The following FMN1 variants were observed in gnomAD, a reference collection of about 807,000 sequenced individuals.
FMN1 encodes formin 1, also known as formin-1.
FMN1 carries 110 observed loss-of-function variants against 132.4 expected under a neutral mutation model. The ratio of observed to expected loss-of-function variants is 0.83; its 90% CI spans 0.71 to 0.97. The LOEUF is 0.97. Among genes scored for constraint, FMN1 ranks in the 50% least tolerant of loss-of-function variants. The probability of loss-of-function intolerance (pLI) is 0.00; values close to 1 mark genes in which losing one functional copy is unlikely to be tolerated. For missense variants in FMN1, 1,792 were observed against 1,705.3 expected (o/e 1.05, Z -0.90); for synonymous variants, 722 against 651.7 (o/e 1.11, Z -1.64).
intron 19 of FMN1, among the ~76,000 whole-genome samples, chr15:32,782,249 C>G (rs2056689177): frequency 6.6e-6 from 1 of 152,188 alleles, no homozygotes; most frequent in South Asian, 2.1e-4. Flanking sequence ...TTACCCAGCA[C>G]TGTACCATGC....
intron 4 of FMN1, among the ~76,000 whole-genome samples, chr15:33,104,355 T>A (rs1400995164): frequency 1.3e-5 from 2 of 152,192 alleles, no homozygotes; most frequent in Non-Finnish European, 2.9e-5. Context: ...TGCCAAATTT[T>A]CACGATTTAC....
intron 4 of FMN1, among the ~76,000 whole-genome samples, chr15:33,092,723 G>A (rs2038947187): frequency 6.6e-6 from 1 of 152,114 alleles, no homozygotes; most frequent in African/African-American, 2.4e-5. Flanking sequence ...TGAGATTTGA[G>A]GCCTATTTGT....
chr15:32,951,826 G>A (rs1376019610), intron 9 of FMN1, among the ~76,000 whole-genome samples: 1 of 152,186 alleles, frequency 6.6e-6, no homozygotes, highest in Non-Finnish European at 1.5e-5. Flanking sequence ...ACTCAGCCAG[G>A]CCTGTGGGGT....
At chr15:33,004,157 C>T (rs2034276475) in intron 7 of FMN1, among the ~76,000 whole-genome samples, 1 of 152,116 alleles carries the variant, frequency 6.6e-6, no homozygotes, top group African/African-American at 2.4e-5. Context: ...GTCTAAAACA[C>T]CAAAAGCAAT....
intron 17 of FMN1, among the ~76,000 whole-genome samples, chr15:32,842,026 C>A (rs1302728131): frequency 8.5e-5 from 13 of 152,186 alleles, no homozygotes; most frequent in Non-Finnish European, 1.9e-4. Context: ...TCCTTCCCTG[C>A]ATGTTTGTGC....
At chr15:33,056,202 C>T (rs188173663) in intron 6 of FMN1, among the ~76,000 whole-genome samples, 26 of 152,324 alleles carry the variant, frequency 1.7e-4, no homozygotes, top group Non-Finnish European at 3.1e-4. Context: ...TCCAGGTATA[C>T]ACCCAAAAGA....
At chr15:32,889,073 T>C (rs1341448154) in intron 15 of FMN1, among the ~76,000 whole-genome samples, 1 of 152,160 alleles carries the variant, frequency 6.6e-6, no homozygotes, top group African/African-American at 2.4e-5. Flanking sequence ...TAGGCTGGTC[T>C]CTAACTCCTG....
intron 7 of FMN1, among the ~76,000 whole-genome samples, chr15:32,994,873 G>A (rs2033670489): frequency 6.6e-6 from 1 of 152,116 alleles, no homozygotes; most frequent in African/African-American, 2.4e-5. Context: ...TATGAGTATG[G>A]ACTTATGTGC....
In FMN1 at chr15:32,969,202, C is replaced by G. The variant is rs770418686; in HGVS notation, c.2499G>C (p.Leu833=). The G allele has an allele frequency of 6.2e-7, 1 of 1,613,824 alleles. No homozygotes were observed. Among genetic ancestry groups the G allele is most frequent in the Non-Finnish European group, 8.5e-7 (1 of 1,179,854 alleles). The change falls in exon 8 of 21, where the codon CTG becomes CTC. Residue 833 remains leucine, a synonymous_variant. Transcript: ENST00000616417. The part of the protein sequence containing the change: ...TRSNQLVPKK[L]NISSLSQLSP... The stretch of plus-strand genomic sequence containing the variant: ...AGAGCTGGCTTAAAGAGGAGATATT[C>G]AGCTTTTTGGGTACTAATTGATTAC...
At chr15:32,813,220 G>A (rs2057946408) in intron 17 of FMN1, among the ~76,000 whole-genome samples, 1 of 152,122 alleles carries the variant, frequency 6.6e-6, no homozygotes, top group African/African-American at 2.4e-5. Context: ...TAAGGGTCCT[G>A]GAACCAATCC....
intron 9 of FMN1, 79 bp downstream of exon 9, chr15:32,964,016 TACACACACACAC>T (rs374980152): frequency 1.8e-5 from 9 of 508,240 alleles, no homozygotes; most frequent in Admixed American, 6.0e-5. Flanking sequence ...GTATATACGA[TACACACACACAC>T]ACACACACAC....
chr15:32,773,278 C>T lies in FMN1; in HGVS notation c.*1032G>A, dbSNP rs566530819. On this transcript the variant is annotated 3_prime_UTR_variant, in exon 21 of 21. Coordinates refer to ENST00000616417, the MANE Select transcript of FMN1 (RefSeq NM_001277313.2). ...TGACATTAAAGAGTCCTGCTTCATC[C>T]TACTTCACATGCCTATCAGCCAAGG... 6.6e-6 allele frequency: 1 copy of T among 152,296 alleles called. No individual in the cohort carries two copies. Among genetic ancestry groups the T allele is most frequent in the South Asian group, 2.1e-4 (1 of 4,824 alleles). 9.4% of individuals were successfully genotyped at this position (152,296 alleles called of 1,614,324 possible). A position where few individuals can be genotyped will look rare whatever the true frequency, so the allele number is the denominator to read the frequency against.
At chr15:33,144,637 GAA>G (rs10606867) in intron 4 of FMN1, among the ~76,000 whole-genome samples, 30,108 of 100,966 alleles carry the variant, frequency 0.3, 3,334 homozygotes, top group Middle Eastern at 0.35. Flanking sequence ...GACTCCGTCT[GAA>G]AAAAAAAAAA....
At chr15:32,785,926 C>T (rs1039713887) in intron 19 of FMN1, among the ~76,000 whole-genome samples, 7 of 152,086 alleles carry the variant, frequency 4.6e-5, no homozygotes, top group African/African-American at 1.7e-4. Flanking sequence ...TGAGATCTGA[C>T]CAGCTATAAT....
At chr15:32,859,842 G>C (rs1191767821) in intron 16 of FMN1, among the ~76,000 whole-genome samples, 2 of 152,088 alleles carry the variant, frequency 1.3e-5, no homozygotes, top group Non-Finnish European at 2.9e-5. Context: ...TTCAAGACCA[G>C]TCTGGCAACA....
At chr15:33,036,599 T>C (rs34574705) in intron 6 of FMN1, among the ~76,000 whole-genome samples, 28,012 of 152,066 alleles carry the variant, frequency 0.18, 2,719 homozygotes, top group African/African-American at 0.24. Context: ...TCAAATAGTA[T>C]TGACTCCTCT....
rs189757913 is a variant in FMN1, at chr15:32,907,404, T to C, written c.3377+1086A>G. ...GCGCAGTTCACAATAGGGTTTGTGC[T>C]CCTATGAGAATCTGATGCTGCTGCT... On this transcript the variant is annotated intron_variant, in intron 12 of 20. Transcript: ENST00000616417. Among the ~76,000 whole-genome samples the C allele has an allele frequency of 3.3e-5, 5 of 152,102 alleles. No homozygotes were observed. In the East Asian group the frequency reaches 9.7e-4, roughly 30 times the overall value.
At position 32,968,767 on chromosome 15, in the gene FMN1, G is replaced by A; in HGVS notation, c.2934C>T (p.Pro978=). Residue 978 remains proline (P), a synonymous_variant, in exon 8 of 21, where the codon CCC becomes CCT. Transcript: ENST00000616417. ...SQCPRKPAIE[P]SCPMKPLYWT... ...AATATAAAGGCTTCATGGGACAACT[G>A]GGCTCGATGGCTGGTTTTCGAGGAC... 1 of 1,613,404 alleles carries A rather than the reference G, an allele frequency of 6.2e-7. No individual in the cohort carries two copies. The highest frequency in any genetic ancestry group is 8.5e-7 in the Non-Finnish European group (1 of 1,179,760).
intron 19 of FMN1, 73 bp downstream of exon 19, chr15:32,798,731 C>A: frequency 7.6e-7 from 1 of 1,311,430 alleles, no homozygotes; most frequent in East Asian, 2.4e-5. Context: ...GAAATAGACA[C>A]ACTTTGATAG....
Sources: gnomAD v4.1 joint callset for allele counts (sites outside exome capture counted in the v4.1 genomes callset) on GRCh38, gnomAD v4.1.1 for gene constraint, MANE v1.5 for transcripts, NCBI Gene and HGNC (gene_info 2026-07-23, HGNC 2026-07-21) for gene names.